The following AOX1 variants were observed in gnomAD, a reference collection of about 807,000 sequenced individuals.
The protein encoded by AOX1 is aldehyde oxidase 1.
Under a neutral mutation model 169.5 loss-of-function variants are expected in AOX1, and 153 were observed. The observed-to-expected ratio is 0.90, with a 90% CI of 0.79 to 1.03. The LOEUF (loss-of-function observed/expected upper bound fraction) is 1.03. AOX1 is among the 50% of genes least tolerant of loss of function. The pLI is 0.00. For missense variants in AOX1, 1,656 were observed against 1,663.9 expected (o/e 1.00, Z 0.08); for synonymous variants, 562 against 581.9 (o/e 0.97, Z 0.49).
At chr2:200,654,684 C>T (rs1176469769) in intron 26 of AOX1, among the ~76,000 whole-genome samples, 4 of 152,150 alleles carry the variant, frequency 2.6e-5, no homozygotes, top group East Asian at 1.9e-4. Flanking sequence ...GGGGAATCTG[C>T]GGGTTTGAAG....
chr2:200,611,341 C>A, intron 12 of AOX1, 43 bp from the exon 13 acceptor site: 2 of 1,399,436 alleles, frequency 1.4e-6, no homozygotes, highest in Non-Finnish European at 2.0e-6. Flanking sequence ...GTTTATTTAA[C>A]AGACCAAACA....
In AOX1 at chr2:200,629,091, C is replaced by G. The variant is rs376063574; in HGVS notation, c.2221+1642C>G. 2.3e-4 allele frequency among the ~76,000 whole-genome samples: 35 copies of G among 152,266 alleles called. No homozygotes were observed. The East Asian group carries it at 6.4e-3, about 28-fold the overall frequency. On this transcript the variant is annotated intron_variant, in intron 20 of 34. Coordinates refer to ENST00000374700, the MANE Select transcript of AOX1 (RefSeq NM_001159.4). ...CCAGTCAGCCCAGCTTCTTAAGTTC[C>G]AAGCCCATCATGTCTCAACTCTATA...
At chr2:200,677,603 T>A (rs1389145599), downstream of AOX1, among the ~76,000 whole-genome samples, 1 of 152,236 alleles carries the variant, frequency 6.6e-6, no homozygotes, top group Non-Finnish European at 1.5e-5. Flanking sequence ...AAGCCAGGAA[T>A]AAACTTCACA....
intron 16 of AOX1, among the ~76,000 whole-genome samples, chr2:200,619,744 T>TA (rs1426916083): frequency 2.0e-5 from 3 of 152,212 alleles, no homozygotes; most frequent in Non-Finnish European, 2.9e-5. Context: ...AGTGGATCAT[T>TA]ACTCCAATTG....
rs1050880 is a variant in AOX1, at chr2:200,670,816, A to G, written c.*137A>G. 1.5e-6 allele frequency: 1 copy of G among 646,282 alleles called. No individual in the cohort carries two copies. The highest frequency in any genetic ancestry group is 2.7e-6 in the Non-Finnish European group (1 of 373,282). 40.0% of individuals were successfully genotyped at this position (646,282 alleles called of 1,614,324 possible). A position where few individuals can be genotyped will look rare whatever the true frequency, so the allele number is the denominator to read the frequency against. ...AATCATCCCACAGTGTTGCTTTTCT[A>G]TGGAGCTGATTTAAAGTATTCCATT... On this transcript the variant is annotated 3_prime_UTR_variant, in exon 35 of 35. Coordinates refer to ENST00000374700, the MANE Select transcript of AOX1 (RefSeq NM_001159.4).
At chr2:200,651,913 C>A (rs574482071) in intron 26 of AOX1, among the ~76,000 whole-genome samples, 5 of 152,260 alleles carry the variant, frequency 3.3e-5, no homozygotes, top group African/African-American at 1.2e-4. Flanking sequence ...CATTGTATGG[C>A]AGCCGGGAAC....
At chr2:200,666,889 C>G in intron 32 of AOX1, 137 bp downstream of exon 32, 1 of 516,310 alleles carries the variant, frequency 1.9e-6, no homozygotes, top group South Asian at 3.9e-5. Context: ...AGACCAACTG[C>G]AGAGCTCAAA....
In AOX1 at chr2:200,602,315, C is replaced by G. The variant is rs766540106; in HGVS notation, c.468C>G (p.Pro156=). 2.2e-5 allele frequency: 35 copies of G among 1,613,832 alleles called. No individual in the cohort carries two copies. In the Admixed American group the frequency reaches 5.3e-4, roughly 25 times the overall value. ...TGTGCCGTTGCACTGGATACAGGCC[C>G]ATAATTGATGCATGCAAGACTTTCT... The part of the protein sequence containing the change: ...GNLCRCTGYR[P]IIDACKTFCK... Residue 156 remains proline, a synonymous_variant, in exon 6 of 35, where the codon CCC becomes CCG. Coordinates refer to ENST00000374700, the MANE Select transcript of AOX1 (RefSeq NM_001159.4).
At chr2:200,680,970 G>A (rs951590217), downstream of AOX1, among the ~76,000 whole-genome samples, 1 of 152,192 alleles carries the variant, frequency 6.6e-6, no homozygotes, top group African/African-American at 2.4e-5. Context: ...AAGTGGAAAA[G>A]CTGGAGCTCT....
intron 17 of AOX1, 43 bp downstream of exon 17, chr2:200,620,862 T>G: frequency 1.3e-6 from 2 of 1,561,574 alleles, no homozygotes; most frequent in Non-Finnish European, 1.7e-6. Flanking sequence ...AATGATTGTC[T>G]TTTCATCTAA....
intron 4 of AOX1, among the ~76,000 whole-genome samples, chr2:200,598,146 AAGGG>A (rs2106368824): frequency 6.6e-6 from 1 of 151,506 alleles, no homozygotes; most frequent in South Asian, 2.1e-4. Flanking sequence ...AGGAGGGAGG[AAGGG>A]AGGGAAGGAA....
rs540483216 is a variant in AOX1 at position 200,659,027 on chromosome 2, G to A, written c.3172-138G>A. The A allele has an allele frequency of 5.6e-4, 395 of 707,740 alleles. 1 individual carries two copies. The African/African-American group carries it at 6.4e-3, about 11-fold the overall frequency. The allele number at this position is 707,740 out of a possible 1,614,324, so 43.8% of individuals were successfully genotyped here. ...TTTTTAGAAACAAGAAACTTTTCAT[G>A]GCTGGAGGAATTTGTGGTTCTGCTC... On this transcript the variant is annotated intron_variant, in intron 27 of 34. Coordinates refer to ENST00000374700, the MANE Select transcript of AOX1 (RefSeq NM_001159.4).
chr2:200,609,535 G>A, intron 12 of AOX1, 121 bp downstream of exon 12: 1 of 786,414 alleles, frequency 1.3e-6, no homozygotes, highest in Non-Finnish European at 2.1e-6. Flanking sequence ...ACATTTCTCT[G>A]CTTTTCTGGA....
Position 200,663,577 on chromosome 2 carries a change from C to G in AOX1, c.3543+608C>G, listed in dbSNP as rs112441049. ...ACACACACACACACACACACACTCT[C>G]TCTCTCTCTCTCTCTCTCTCCCCCT... On this transcript the variant is annotated intron_variant, in intron 31 of 34. Transcript: ENST00000374700. 7.5e-5 allele frequency among the ~76,000 whole-genome samples: 10 copies of G among 133,742 alleles called. No individual in the cohort carries two copies. In the East Asian group the frequency reaches 1.3e-3, roughly 18 times the overall value. 87.7% of individuals were successfully genotyped at this position (133,742 alleles called of 152,430 possible).
intron 20 of AOX1, among the ~76,000 whole-genome samples, chr2:200,630,381 G>C (rs2035092528): frequency 6.6e-6 from 1 of 151,986 alleles, no homozygotes; most frequent in Admixed American, 6.6e-5. Flanking sequence ...AAATTAGCCA[G>C]GTGTGGTGAC....
chr2:200,600,131 A>G (rs1008552011), intron 5 of AOX1, among the ~76,000 whole-genome samples: 3 of 152,240 alleles, frequency 2.0e-5, no homozygotes, highest in Admixed American at 6.5e-5. Flanking sequence ...TACACCCCCA[A>G]TAAGTGGAAG....
downstream of AOX1, among the ~76,000 whole-genome samples, chr2:200,672,282 G>T (rs2036041079): frequency 6.6e-6 from 1 of 152,236 alleles, no homozygotes. Context: ...TTTATGGTAT[G>T]TGAATTATAC....
chr2:200,609,916 A>G (rs12478624), intron 12 of AOX1, among the ~76,000 whole-genome samples: 53,580 of 151,772 alleles, frequency 0.35, 9,511 homozygotes, highest in East Asian at 0.44. Flanking sequence ...CACAACATCT[A>G]ATTTATCGCT....
chr2:200,663,046 G>A, intron 31 of AOX1, 77 bp downstream of exon 31: 2 of 1,104,216 alleles, frequency 1.8e-6, no homozygotes, highest in Non-Finnish European at 2.8e-6. Context: ...TATCTGAGGA[G>A]AGCTTAGTGA....
Sources: gnomAD v4.1 joint callset for allele counts (sites outside exome capture counted in the v4.1 genomes callset) on GRCh38, gnomAD v4.1.1 for gene constraint, MANE v1.5 for transcripts, NCBI Gene and HGNC (gene_info 2026-07-23, HGNC 2026-07-21) for gene names.